Variants in CD99L2 observed in about 807,000 individuals in gnomAD.
CD99L2 encodes CD99 molecule like 2.
Under a neutral mutation model 27.3 loss-of-function variants are expected in CD99L2, and 24 were observed. That is an observed-to-expected ratio of 0.88 (90% confidence interval 0.64 to 1.24). CD99L2 has a LOEUF of 1.24. Ranked by LOEUF, CD99L2 falls within the 50% of genes most tolerant of loss-of-function variation. The probability of loss-of-function intolerance (pLI) is 0.00; values close to 1 mark genes in which losing one functional copy is unlikely to be tolerated. For synonymous variants in CD99L2, 97 were observed against 87.9 expected, an observed-to-expected ratio of 1.10 and a Z score of -0.58; for missense variants, 255 against 221.6, an observed-to-expected ratio of 1.15 and a Z score of -0.96.
intron 1 of CD99L2, among the ~76,000 whole-genome samples, chrX:150,853,850 G>T (rs1211448370): frequency 9.0e-6 from 1 of 111,685 alleles, no homozygotes; most frequent in Non-Finnish European, 1.9e-5. Context: ...CCCCCATTTG[G>T]CAATCACTGC....
At chrX:150,769,328 A>AGG (rs2043370956) in intron 10 of CD99L2, among the ~76,000 whole-genome samples, 3 of 111,645 alleles carry the variant, frequency 2.7e-5, no homozygotes, top group Non-Finnish European at 5.7e-5. Context: ...CCATCTCCTC[A>AGG]CCTAAAAAAT....
chrX:150,770,377 G>T lies in CD99L2; in HGVS notation c.656-8C>A, dbSNP rs782323798. The T allele has an allele frequency of 2.5e-6, 3 of 1,207,668 alleles. No homozygotes were observed. Among genetic ancestry groups the T allele is most frequent in the African/African-American group, 1.7e-5 (1 of 57,229 alleles). ...AGTCTGCGTTGAGACCCTCTGCAAAGGGAAAAGGGCAGAGTTAGTGATGCG... is the reference window on the plus strand; with the variant it reads ...AGTCTGCGTTGAGACCCTCTGCAAATGGAAAAGGGCAGAGTTAGTGATGCG... On this transcript the variant is annotated splice_polypyrimidine_tract_variant and splice_region_variant and intron_variant, in intron 9 of 10. Transcript: ENST00000370377.
At chrX:150,824,892 T>C (rs1383650299) in intron 2 of CD99L2, among the ~76,000 whole-genome samples, 1 of 111,137 alleles carries the variant, frequency 9.0e-6, no homozygotes, top group Non-Finnish European at 1.9e-5. Context: ...CTTAAAATGA[T>C]AATGTTTGCA....
intron 1 of CD99L2, among the ~76,000 whole-genome samples, chrX:150,877,095 C>A (rs191372120): frequency 1.7e-3 from 140 of 83,245 alleles, no homozygotes; most frequent in African/African-American, 6.1e-3. Context: ...CCAGCATGGA[C>A]AACATAGCGA....
Position 150,815,748 on chromosome X carries a change from C to T in CD99L2, c.202+259G>A, listed in dbSNP as rs782775056. Among the ~76,000 whole-genome samples the T allele has an allele frequency of 1.2e-4, 13 of 112,035 alleles. No homozygotes were observed. The East Asian group carries it at 1.4e-3, about 12-fold the overall frequency. Reference sequence around the variant, plus strand: ...TTTTCCCTGATTTTAGAAAATGAAACGGCTAAAAAGGGGAAGAAGTCCAAA... The same window carrying T: ...TTTTCCCTGATTTTAGAAAATGAAATGGCTAAAAAGGGGAAGAAGTCCAAA... On this transcript the variant is annotated intron_variant, in intron 3 of 10. Transcript: ENST00000370377.
chrX:150,820,143 C>T (rs1336397294), intron 2 of CD99L2, among the ~76,000 whole-genome samples: 1 of 110,110 alleles, frequency 9.1e-6, no homozygotes, highest in Non-Finnish European at 1.9e-5. Flanking sequence ...TACTAGCAAA[C>T]CAAATCCAGC....
chrX:150,787,926 A>ATATATATATATATATATAT (rs2045625602), intron 7 of CD99L2, among the ~76,000 whole-genome samples: 7 of 90,886 alleles, frequency 7.7e-5, no homozygotes, highest in South Asian at 5.7e-4. Flanking sequence ...ATATATATAT[A>ATATATATATATATATATAT]AAAGGAGTCC....
intron 1 of CD99L2, among the ~76,000 whole-genome samples, chrX:150,837,982 T>C (rs782621285): frequency 1.2e-4 from 14 of 112,324 alleles, no homozygotes; most frequent in East Asian, 2.8e-4. Flanking sequence ...TGACAAACAC[T>C]ACCTGAGCCG....
chrX:150,848,138 C>A (rs1264376280), intron 1 of CD99L2, among the ~76,000 whole-genome samples: 1 of 102,689 alleles, frequency 9.7e-6, no homozygotes, highest in Non-Finnish European at 2.0e-5. Context: ...CTATACCTCT[C>A]ACAGTATTAC....
rs1418830280 is a variant in CD99L2, at chrX:150,777,290, T to C, written c.535+154A>G. 4 of 643,416 alleles carry C rather than the reference T, an allele frequency of 6.2e-6. No individual in the cohort carries two copies. The African/African-American group carries it at 6.7e-5, about 11-fold the overall frequency. The allele number at this position is 643,416 out of a possible 1,213,427, so 53.0% of individuals were successfully genotyped here. A position where few individuals can be genotyped will look rare whatever the true frequency, so the allele number is the denominator to read the frequency against. On this transcript the variant is annotated intron_variant, in intron 8 of 10. Coordinates refer to ENST00000370377, the MANE Select transcript of CD99L2 (RefSeq NM_031462.4). The stretch of plus-strand genomic sequence containing the variant: ...TGAGGGAGGCGTGCAGCTTTTTCCA[T>C]CTTTGCAGCTATCTTATTTAGGAGT...
intron 7 of CD99L2, among the ~76,000 whole-genome samples, chrX:150,791,086 C>T (rs1462733920): frequency 1.8e-5 from 2 of 111,590 alleles, no homozygotes; most frequent in Non-Finnish European, 3.8e-5. Context: ...AAAGAGGATG[C>T]AGATCCTCAC....
At chrX:150,894,885 G>A (rs1187301831) in intron 1 of CD99L2, among the ~76,000 whole-genome samples, 1 of 111,284 alleles carries the variant, frequency 9.0e-6, no homozygotes, top group South Asian at 3.8e-4. Context: ...CACTGCGCCC[G>A]GCCCCCTCAT....
At chrX:150,769,192 T>C (rs1438798536) in intron 10 of CD99L2, 91 bp from the exon 11 acceptor site, 8 of 1,029,680 alleles carry the variant, frequency 7.8e-6, no homozygotes, top group Admixed American at 3.7e-5. Flanking sequence ...GGAACAGAAC[T>C]GGGTTTCCCT....
intron 1 of CD99L2, among the ~76,000 whole-genome samples, chrX:150,896,369 G>A (rs2047610649): frequency 8.9e-6 from 1 of 112,300 alleles, no homozygotes; most frequent in Non-Finnish European, 1.9e-5. Flanking sequence ...CTGCACTCCA[G>A]CCTGAGCAAC....
intron 1 of CD99L2, among the ~76,000 whole-genome samples, chrX:150,849,419 G>A (rs1285819263): frequency 9.0e-6 from 1 of 111,452 alleles, no homozygotes; most frequent in Non-Finnish European, 1.9e-5. Flanking sequence ...AATTAGCTGG[G>A]TATGGTAGTA....
In CD99L2 at chrX:150,768,079, C is replaced by G. The variant is rs1557418747; in HGVS notation, c.*955G>C. ...TAAACCAAGCGAATGTCTCTTTCCC[C>G]TCTCCTCCCCCGCCGCCCCCAATTA... On this transcript the variant is annotated 3_prime_UTR_variant, in exon 11 of 11. Transcript: ENST00000370377. The G allele has an allele frequency of 9.0e-6, 1 of 111,726 alleles. No homozygotes were observed. The highest frequency in any genetic ancestry group is 3.3e-5 in the African/African-American group (1 of 30,694). 9.2% of individuals were successfully genotyped at this position (111,726 alleles called of 1,213,427 possible). A position where few individuals can be genotyped will look rare whatever the true frequency, so the allele number is the denominator to read the frequency against.
chrX:150,790,914 A>G (rs781992939), intron 7 of CD99L2, among the ~76,000 whole-genome samples: 9 of 111,824 alleles, frequency 8.0e-5, no homozygotes, highest in Middle Eastern at 4.7e-3. Context: ...CTAACCTCCA[A>G]TGTGATGATA....
At chrX:150,897,315 T>C (rs2047627818) in intron 1 of CD99L2, among the ~76,000 whole-genome samples, 1 of 112,553 alleles carries the variant, frequency 8.9e-6, no homozygotes, top group African/African-American at 3.2e-5. Flanking sequence ...ACAGTCTCAA[T>C]TTTGTTCACT....
At chrX:150,808,708 T>G (rs2046031327) in intron 4 of CD99L2, among the ~76,000 whole-genome samples, 1 of 111,951 alleles carries the variant, frequency 8.9e-6, no homozygotes, top group South Asian at 3.7e-4. Flanking sequence ...GGACTCTGAA[T>G]TACTCAAAAG....
Sources: gnomAD v4.1 joint callset for allele counts (sites outside exome capture counted in the v4.1 genomes callset) on GRCh38, gnomAD v4.1.1 for gene constraint, MANE v1.5 for transcripts, NCBI Gene and HGNC (gene_info 2026-07-23, HGNC 2026-07-21) for gene names.